SIRT1: variants seen among roughly 807,000 people sequenced by gnomAD.
SIRT1 encodes NAD-dependent protein deacetylase sirtuin-1.
A neutral mutation model predicts 67.9 loss-of-function variants in SIRT1; 24 were observed. The ratio of observed to expected loss-of-function variants is 0.35; its 90% CI spans 0.26 to 0.50. The LOEUF (loss-of-function observed/expected upper bound fraction) is 0.50. Among genes scored for constraint, SIRT1 ranks in the 20% least tolerant of loss-of-function variants. The pLI is 0.98. For synonymous variants in SIRT1, 378 were observed against 350.7 expected, an observed-to-expected ratio of 1.08 and a Z score of -0.87; for missense variants, 873 against 937.2, an observed-to-expected ratio of 0.93 and a Z score of 0.89.
At chr10:67,913,163 T>G in intron 8 of SIRT1, 132 bp downstream of exon 8, 1 of 891,384 alleles carries the variant, frequency 1.1e-6, no homozygotes, top group Non-Finnish European at 1.7e-6. Context: ...ACTGTACAGT[T>G]CGTAATCAGA....
chr10:67,904,389 G>A (rs969938889), intron 4 of SIRT1, among the ~76,000 whole-genome samples: 8 of 151,192 alleles, frequency 5.3e-5, no homozygotes, highest in African/African-American at 1.7e-4. Flanking sequence ...TGCCCGCCTC[G>A]GCCTTCCAAA....
chr10:67,905,503 G>A (rs1842808147), intron 4 of SIRT1, among the ~76,000 whole-genome samples: 1 of 152,150 alleles, frequency 6.6e-6, no homozygotes. Context: ...AGCTGTTAAC[G>A]GAATTCACTT....
chr10:67,884,828 G>A lies in SIRT1; in HGVS notation c.107G>A (p.Arg36Lys). 1.6e-6 allele frequency: 2 copies of A among 1,222,000 alleles called. No individual in the cohort carries two copies. The highest frequency in any genetic ancestry group is 1.6e-5 in the African/African-American group (1 of 63,826). The allele number at this position is 1,222,000 out of a possible 1,614,324, so 75.7% of individuals were successfully genotyped here. The change falls in exon 1 of 9, where the codon AGG becomes AAG. Residue 36 changes from arginine (R) to lysine (K), a missense_variant. Physicochemically the swap from Arg to Lys is conservative, Grantham distance 26. Transcript: ENST00000212015. ...SSPAGEPLRKRPRRDGPGLER... is the reference protein window; with the variant it reads ...SSPAGEPLRKKPRRDGPGLER... ...CCCGCCGGGGAGCCGCTCCGCAAGA[G>A]GCCGCGGAGAGATGGTCCCGGCCTC...
At chr10:67,903,918 A>G (rs1019558289) in intron 4 of SIRT1, among the ~76,000 whole-genome samples, 7 of 150,088 alleles carry the variant, frequency 4.7e-5, no homozygotes, top group African/African-American at 1.8e-4. Context: ...GCTTTAGGAT[A>G]TTCAAACTGG....
chr10:67,888,833 T>C, intron 2 of SIRT1, 49 bp from the exon 3 acceptor site: 1 of 1,541,286 alleles, frequency 6.5e-7, no homozygotes, highest in Non-Finnish European at 8.8e-7. Context: ...TAAATGAGAT[T>C]TTGAATTACT....
At chr10:67,904,114 G>GTT (rs371262925) in intron 4 of SIRT1, among the ~76,000 whole-genome samples, 7 of 135,890 alleles carry the variant, frequency 5.2e-5, no homozygotes, top group Non-Finnish European at 1.1e-4. Flanking sequence ...AGATTTTTTA[G>GTT]TTTTTTTTGT....
intron 4 of SIRT1, among the ~76,000 whole-genome samples, chr10:67,904,407 G>C (rs1405581541): frequency 6.6e-6 from 1 of 151,980 alleles, no homozygotes; most frequent in Non-Finnish European, 1.5e-5. Context: ...AAAGTGCTGG[G>C]ATTAGAGGTG....
At chr10:67,914,084 T>G (rs1589085849) in intron 8 of SIRT1, among the ~76,000 whole-genome samples, 1 of 66,198 alleles carries the variant, frequency 1.5e-5, no homozygotes, top group Non-Finnish European at 4.3e-5. Context: ...TTTTTTTTTT[T>G]TTTTTGTGAC....
Position 67,917,500 on chromosome 10 carries a change from T to C in SIRT1, c.*907T>C, listed in dbSNP as rs1225658445. ...AAGTATTAAACTGCCAAAATGTGAA[T>C]ATGCAAAGCCTTTCTGAATCTATAA... On this transcript the variant is annotated 3_prime_UTR_variant, in exon 9 of 9. Coordinates refer to ENST00000212015, the MANE Select transcript of SIRT1 (RefSeq NM_012238.5). 2 of 152,640 alleles carry C rather than the reference T, an allele frequency of 1.3e-5. No individual in the cohort carries two copies. Among genetic ancestry groups the C allele is most frequent in the African/African-American group, 4.8e-5 (2 of 41,464 alleles). 9.5% of individuals were successfully genotyped at this position (152,640 alleles called of 1,614,324 possible).
intron 1 of SIRT1, 57 bp from the exon 2 acceptor site, chr10:67,887,360 A>G: frequency 9.2e-7 from 1 of 1,081,684 alleles, no homozygotes; most frequent in South Asian, 1.3e-5. Flanking sequence ...ATAACCGTTC[A>G]TACATTTTAG....
Position 67,887,526 on chromosome 10 carries a change from A to G in SIRT1, c.540A>G (p.Pro180=). The change falls in exon 2 of 9, where the codon CCA becomes CCG. Residue 180 remains proline, a synonymous_variant. Coordinates refer to ENST00000212015, the MANE Select transcript of SIRT1 (RefSeq NM_012238.5). ...GCTCTAGTGACTGGACTCCAAGGCC[A>G]CGGATAGGTATGGCTCAGAGCTGTT... ...HASSSDWTPR[P]RIGPYTFVQQ... is the part of the protein sequence containing the mutation. 6.3e-7 allele frequency: 1 copy of G among 1,598,500 alleles called. No homozygotes were observed. The highest frequency in any genetic ancestry group is 8.6e-7 in the Non-Finnish European group (1 of 1,165,954).
At position 67,912,644 on chromosome 10, in the gene SIRT1, A is replaced by G. The variant is rs1386664764; in HGVS notation, c.1528A>G (p.Ile510Val). The change falls in exon 8 of 9, where the codon ATT becomes GTT. Residue 510 changes from isoleucine to valine, a missense_variant. Physicochemically the swap from Ile to Val is conservative, Grantham distance 29. Coordinates refer to ENST00000212015, the MANE Select transcript of SIRT1 (RefSeq NM_012238.5). Reference protein sequence around the residue: ...LCCNPVKLSEITEKPPRTQKE... With the variant: ...LCCNPVKLSEVTEKPPRTQKE... ...CTGTAACCCTGTAAAGCTTTCAGAAATTACTGAAAAACCTCCACGAACACA... is the reference window on the plus strand; with the variant it reads ...CTGTAACCCTGTAAAGCTTTCAGAAGTTACTGAAAAACCTCCACGAACACA... The G allele has an allele frequency of 1.2e-6, 2 of 1,614,098 alleles. No individual in the cohort carries two copies. The highest frequency in any genetic ancestry group is 1.7e-6 in the Non-Finnish European group (2 of 1,180,020).
intron 4 of SIRT1, among the ~76,000 whole-genome samples, chr10:67,895,760 T>TTTTTG (rs1459241769): frequency 1.5e-5 from 2 of 137,048 alleles, no homozygotes; most frequent in Non-Finnish European, 3.1e-5. Flanking sequence ...TTTTTTTTTT[T>TTTTTG]GAGACAGTTT....
intron 2 of SIRT1, among the ~76,000 whole-genome samples, chr10:67,887,850 A>G (rs1842510197): frequency 6.6e-6 from 1 of 152,236 alleles, no homozygotes; most frequent in Admixed American, 6.5e-5. Flanking sequence ...TGCTGGGATT[A>G]CAGGCATGTG....
chr10:67,916,055 C>G lies in SIRT1; in HGVS notation c.1916-210C>G, dbSNP rs2131895397. The stretch of plus-strand genomic sequence containing the variant: ...GTTGCCTAGGCTGGCCCTTGAACTC[C>G]TGGGCTCAAGCAGTCCACCTGCCTC... On this transcript the variant is annotated intron_variant, in intron 8 of 8. Transcript: ENST00000212015. Among the ~76,000 whole-genome samples the G allele has an allele frequency of 1.3e-5, 2 of 152,262 alleles. 1 individual carries two copies. Among genetic ancestry groups the G allele is most frequent in the Admixed American group, 1.3e-4 (2 of 15,296 alleles).
At chr10:67,893,295 C>G (rs1240856914) in intron 4 of SIRT1, among the ~76,000 whole-genome samples, 2 of 152,120 alleles carry the variant, frequency 1.3e-5, no homozygotes, top group Non-Finnish European at 2.9e-5. Flanking sequence ...TTTTCCACCC[C>G]TTGCCCCCCA....
intron 3 of SIRT1, among the ~76,000 whole-genome samples, chr10:67,889,828 A>G (rs530366314): frequency 3.9e-5 from 6 of 152,330 alleles, no homozygotes; most frequent in Admixed American, 3.9e-4. Flanking sequence ...TTTAACTTAA[A>G]TTGACCTTGA....
At chr10:67,904,939 T>C (rs1293034521) in intron 4 of SIRT1, among the ~76,000 whole-genome samples, 1 of 152,116 alleles carries the variant, frequency 6.6e-6, no homozygotes, top group Non-Finnish European at 1.5e-5. Flanking sequence ...CTAAATCTAG[T>C]GTCCCATACA....
chr10:67,886,872 C>CT (rs1842491114), intron 1 of SIRT1, among the ~76,000 whole-genome samples: 1 of 146,728 alleles, frequency 6.8e-6, no homozygotes, highest in African/African-American at 2.5e-5. Context: ...TTTTTTTTTC[C>CT]TTTTCTTTTT....
Sources: allele counts gnomAD v4.1 joint callset (sites outside exome capture counted in the v4.1 genomes callset), GRCh38; gene constraint gnomAD v4.1.1; transcripts MANE v1.5; gene names NCBI Gene and HGNC (gene_info 2026-07-23, HGNC 2026-07-21).